The following AIM2 variants were observed in gnomAD, a reference collection of about 807,000 sequenced individuals.
AIM2 encodes the protein absent in melanoma 2.
In AIM2, 30 loss-of-function variants were observed where a neutral mutation model predicts 27.7. The ratio of observed to expected loss-of-function variants is 1.08; its 90% CI spans 0.81 to 1.47. The LOEUF (loss-of-function observed/expected upper bound fraction) is 1.47. Ranked by LOEUF, AIM2 falls within the 40% of genes most tolerant of loss-of-function variation. The probability of loss-of-function intolerance (pLI) is 0.00; values close to 1 mark genes in which losing one functional copy is unlikely to be tolerated. For missense variants in AIM2, 358 were observed against 411.3 expected, an observed-to-expected ratio of 0.87 and a Z score of 1.12; for synonymous variants, 141 against 145.3, an observed-to-expected ratio of 0.97 and a Z score of 0.21.
chr1:159,082,087 T>A (rs776645559), intron 1 of AIM2, among the ~76,000 whole-genome samples: 4 of 152,158 alleles, frequency 2.6e-5, no homozygotes, highest in Admixed American at 2.0e-4. Flanking sequence ...AGAGAGAAGA[T>A]CCTAAAAGCT....
upstream of AIM2, among the ~76,000 whole-genome samples, chr1:159,079,404 C>CAT (rs1656719049): frequency 6.6e-6 from 1 of 151,720 alleles, no homozygotes; most frequent in African/African-American, 2.4e-5. Flanking sequence ...GTTTATGCCC[C>CAT]GATGAATAAT....
chr1:159,128,335 G>A (rs1338355071), intron 1 of AIM2, among the ~76,000 whole-genome samples: 2 of 151,910 alleles, frequency 1.3e-5, no homozygotes, highest in Non-Finnish European at 2.9e-5. Context: ...GGGGTTACAC[G>A]AGTGGCCTGT....
chr1:159,075,285 T>A (rs115020571), intron 1 of AIM2, among the ~76,000 whole-genome samples: 47 of 152,208 alleles, frequency 3.1e-4, no homozygotes, highest in African/African-American at 1.0e-3. Flanking sequence ...ACAAAATATA[T>A]ATCTGGTTGG....
At chr1:159,108,618 G>A (rs368003814) in intron 1 of AIM2, among the ~76,000 whole-genome samples, 1 of 152,036 alleles carries the variant, frequency 6.6e-6, no homozygotes, top group Non-Finnish European at 1.5e-5. Flanking sequence ...TGTTTGTGGC[G>A]ATATCATAAT....
At chr1:159,074,722 T>G (rs1656522247) in intron 1 of AIM2, among the ~76,000 whole-genome samples, 1 of 152,130 alleles carries the variant, frequency 6.6e-6, no homozygotes, top group Non-Finnish European at 1.5e-5. Context: ...AAAAGTAATT[T>G]CCAATAGCAA....
intron 1 of AIM2, chr1:159,081,878 G>A (rs1334834643): frequency 6.6e-6 from 1 of 152,544 alleles, no homozygotes. Flanking sequence ...GAAAACAGGA[G>A]GCAGTGAAGC....
intron 1 of AIM2, among the ~76,000 whole-genome samples, chr1:159,136,024 C>T (rs1303050243): frequency 6.6e-6 from 1 of 152,202 alleles, no homozygotes; most frequent in Non-Finnish European, 1.5e-5. Flanking sequence ...ACCCTTTCCA[C>T]GGGGACTAGA....
intron 2 of AIM2, 68 bp from the exon 3 acceptor site, chr1:159,068,769 TCA>T: frequency 6.8e-7 from 1 of 1,464,464 alleles, no homozygotes; most frequent in Non-Finnish European, 9.3e-7. Flanking sequence ...TTTTCAAATG[TCA>T]CCAGGAATAA....
At chr1:159,141,724 C>T (rs1648115916), upstream of AIM2, among the ~76,000 whole-genome samples, 2 of 152,040 alleles carry the variant, frequency 1.3e-5, no homozygotes, top group South Asian at 2.1e-4. Flanking sequence ...ACTGAAAAAG[C>T]ACATACCTTC....
rs1481150990 is a variant in AIM2, at chr1:159,062,724, T to A, written c.1006-6A>T. 5.0e-6 allele frequency: 8 copies of A among 1,612,288 alleles called. No homozygotes were observed. Among genetic ancestry groups the A allele is most frequent in the Non-Finnish European group, 6.8e-6 (8 of 1,179,354 alleles). ...TTTTTTTTGGCCTTAATAACCTGGA[T>A]GGAGAAAAAAAACATGCAGTCTGAG... On this transcript the variant is annotated splice_polypyrimidine_tract_variant and splice_region_variant and intron_variant, in intron 5 of 5. Transcript: ENST00000368130.
intron 3 of AIM2, 101 bp from the exon 4 acceptor site, chr1:159,066,430 G>A (rs1017651764): frequency 7.6e-5 from 94 of 1,238,670 alleles, no homozygotes; most frequent in Middle Eastern, 2.0e-4. Context: ...GCCAGCAGAA[G>A]ATAGGTGGAA....
intron 1 of AIM2, among the ~76,000 whole-genome samples, chr1:159,084,922 C>T (rs964805615): frequency 2.0e-5 from 3 of 152,028 alleles, no homozygotes; most frequent in African/African-American, 4.8e-5. Flanking sequence ...GTTTCCCACA[C>T]CTTCTCCCTC....
chr1:159,142,377 G>T (rs748258947), upstream of AIM2, among the ~76,000 whole-genome samples: 1 of 152,194 alleles, frequency 6.6e-6, no homozygotes, highest in Non-Finnish European at 1.5e-5. Flanking sequence ...TGTTCAGTGT[G>T]TAAGTATGTG....
chr1:159,087,088 C>T (rs187045749), intron 1 of AIM2, among the ~76,000 whole-genome samples: 92 of 152,314 alleles, frequency 6.0e-4, no homozygotes, highest in African/African-American at 2.2e-3. Flanking sequence ...AATTCAACCT[C>T]TACATATCCT....
At chr1:159,136,003 G>A (rs1648004294) in intron 1 of AIM2, among the ~76,000 whole-genome samples, 1 of 152,194 alleles carries the variant, frequency 6.6e-6, no homozygotes, top group South Asian at 2.1e-4. Context: ...ACGCAGAGAA[G>A]TCCTAACACG....
intron 1 of AIM2, among the ~76,000 whole-genome samples, chr1:159,088,113 A>G (rs1656959732): frequency 6.6e-6 from 1 of 152,178 alleles, no homozygotes; most frequent in African/African-American, 2.4e-5. Flanking sequence ...GGACAGAAAA[A>G]GAGGAAGAGG....
chr1:159,068,500 A>C (rs1397704501), intron 3 of AIM2, 68 bp downstream of exon 3: 13 of 1,524,532 alleles, frequency 8.5e-6, no homozygotes, highest in Non-Finnish European at 1.1e-5. Flanking sequence ...ACAGAGAACA[A>C]TATGGGAAGT....
At chr1:159,063,386 C>G (rs1399231020) in intron 5 of AIM2, 100 bp downstream of exon 5, 4 of 1,137,158 alleles carry the variant, frequency 3.5e-6, no homozygotes, top group Non-Finnish European at 5.0e-6. Flanking sequence ...TCAATGTCTT[C>G]CACTCTATAT....
upstream of AIM2, among the ~76,000 whole-genome samples, chr1:159,079,328 C>A (rs1480267138): frequency 6.6e-6 from 1 of 151,636 alleles, no homozygotes; most frequent in Non-Finnish European, 1.5e-5. Flanking sequence ...AGATCTCTTT[C>A]TAAAAGTATG....
Sources: gnomAD v4.1 joint callset for allele counts (sites outside exome capture counted in the v4.1 genomes callset) on GRCh38, gnomAD v4.1.1 for gene constraint, MANE v1.5 for transcripts, NCBI Gene and HGNC (gene_info 2026-07-23, HGNC 2026-07-21) for gene names.